DCST1: variants seen among roughly 807,000 people sequenced by gnomAD.
The protein encoded by DCST1 is E3 ubiquitin-protein ligase DCST1.
In DCST1, 78 loss-of-function variants were observed where a neutral mutation model predicts 89.1. That is an observed-to-expected ratio of 0.88 (90% CI 0.73 to 1.06). DCST1 has a LOEUF of 1.06. Ranked by LOEUF, DCST1 falls within the 50% of genes least tolerant of loss-of-function variation. The pLI is 0.00. For missense variants in DCST1, 900 were observed against 928.6 expected (o/e 0.97, Z 0.40); for synonymous variants, 364 against 371.9 (o/e 0.98, Z 0.24).
At position 155,046,131 on chromosome 1, in the gene DCST1, C is replaced by A; in HGVS notation, c.1279C>A (p.Arg427=). ...IDDRRKKLGK[R]TLLPLRKAEE... ...GTGGACATTTGTTTTCCAGGGCAAACGGACTCTGCTGCCACTCCGCAAAGC... is the reference window on the plus strand; with the variant it reads ...GTGGACATTTGTTTTCCAGGGCAAAAGGACTCTGCTGCCACTCCGCAAAGC... Residue 427 remains arginine (R), a synonymous_variant, in exon 12 of 17, where the codon CGG becomes AGG. Transcript: ENST00000295542. 1.9e-6 allele frequency: 3 copies of A among 1,614,174 alleles called. No homozygotes were observed. The South Asian group carries it at 3.3e-5, about 18-fold the overall frequency.
intron 10 of DCST1, 66 bp downstream of exon 10, chr1:155,043,575 G>A: frequency 6.7e-7 from 1 of 1,495,948 alleles, no homozygotes; most frequent in Non-Finnish European, 8.9e-7. Context: ...CCCTGAGGGA[G>A]GCTGTAAGGA....
rs1275399900 is a variant in DCST1 at position 155,040,634 on chromosome 1, C to G, written c.531+10C>G. ...GTTCAAGGACCTGCTGGTCAGGAAT[C>G]TGCACAGGCAGAGCCTGGGGGGTCC... On this transcript the variant is annotated intron_variant, in intron 6 of 16. Coordinates refer to ENST00000295542, the MANE Select transcript of DCST1 (RefSeq NM_152494.4). 1 of 1,564,930 alleles carries G rather than the reference C, an allele frequency of 6.4e-7. No individual in the cohort carries two copies. The highest frequency in any genetic ancestry group is 8.7e-7 in the Non-Finnish European group (1 of 1,153,456).
Position 155,040,531 on chromosome 1 carries a change from G to T in DCST1, c.438G>T (p.Ser146=), listed in dbSNP as rs1211673853. 2.5e-6 allele frequency: 4 copies of T among 1,594,818 alleles called. No homozygotes were observed. In the South Asian group the frequency reaches 4.6e-5, roughly 18 times the overall value. The part of the protein sequence containing the change: ...LRHNLNNVIA[S]LGCTVELQIN... ...ACAATCTCAACAACGTGATCGCATC[G>T]CTGGGCTGCACCGTGGAGCTGCAGA... The change falls in exon 6 of 17, where the codon TCG becomes TCT. Residue 146 remains serine (S), a synonymous_variant. Transcript: ENST00000295542.
chr1:155,050,521 T>G lies in DCST1; in HGVS notation c.1870-96T>G, dbSNP rs959939113. 1.8e-5 allele frequency: 26 copies of G among 1,428,714 alleles called. No homozygotes were observed. In the African/African-American group the frequency reaches 3.0e-4, roughly 17 times the overall value. 88.5% of individuals were successfully genotyped at this position (1,428,714 alleles called of 1,614,324 possible). On this transcript the variant is annotated intron_variant, in intron 16 of 16. Transcript: ENST00000295542. ...CCCAGCCTCCTCCAACACGCGGGAA[T>G]TGTCAGGCCTGGCGACTTCAGACAG...
At chr1:155,046,021 G>A (rs375580173) in intron 11 of DCST1, 29 bp downstream of exon 11, 1 of 1,613,406 alleles carries the variant, frequency 6.2e-7, no homozygotes, top group African/African-American at 1.3e-5. Flanking sequence ...GCCCGGGGAT[G>A]CCTTGCTGCT....
intron 4 of DCST1, 62 bp downstream of exon 4, chr1:155,034,789 A>G: frequency 6.4e-7 from 1 of 1,571,978 alleles, no homozygotes; most frequent in Non-Finnish European, 8.8e-7. Flanking sequence ...GCCGTCCTGC[A>G]TGCCCAGGAA....
chr1:155,050,903 C>T lies in DCST1; in HGVS notation c.*35C>T. 6.3e-7 allele frequency: 1 copy of T among 1,597,068 alleles called. No homozygotes were observed. The highest frequency in any genetic ancestry group is 8.6e-7 in the Non-Finnish European group (1 of 1,167,616). On this transcript the variant is annotated 3_prime_UTR_variant, in exon 17 of 17. Coordinates refer to ENST00000295542, the MANE Select transcript of DCST1 (RefSeq NM_152494.4). ...CTGCTCGCTCTTCCGCACCGTCCTT[C>T]CCGGTTAATAAAATGCCCTGTACGC...
At position 155,047,799 on chromosome 1, in the gene DCST1, A is replaced by G; in HGVS notation, c.1625A>G (p.Gln542Arg). Residue 542 changes from glutamine to arginine, a missense_variant, in exon 15 of 17, where the codon CAG becomes CGG. By Grantham distance (43) the Gln-to-Arg change is conservative (BLOSUM62 1). Coordinates refer to ENST00000295542, the MANE Select transcript of DCST1 (RefSeq NM_152494.4). Reference sequence around the variant, plus strand: ...GCCCCTCCCCTAGCCTGCCTGCCCCAGCCTGTGGGCCTGGATGCCAGGGCC... The same window carrying G: ...GCCCCTCCCCTAGCCTGCCTGCCCCGGCCTGTGGGCCTGGATGCCAGGGCC... ...MESNNMPCLP[Q>R]PVGLDARAYW... is the part of the protein sequence containing the mutation. The G allele has an allele frequency of 6.2e-7, 1 of 1,613,960 alleles. No homozygotes were observed.
At position 155,047,210 on chromosome 1, in the gene DCST1, G is replaced by A. The variant is rs1239902247; in HGVS notation, c.1510G>A (p.Glu504Lys). The change falls in exon 14 of 17, where the codon GAG (glutamate) becomes AAG (lysine). Residue 504 changes from glutamate (E) to lysine (K), a missense_variant. Coordinates refer to ENST00000295542, the MANE Select transcript of DCST1 (RefSeq NM_152494.4). ...CCTGGCCGCAGGCAGTCATAAACTGGAGGTGAAGGTCGGGGGAGACTCCAT... is the reference window on the plus strand; with the variant it reads ...CCTGGCCGCAGGCAGTCATAAACTGAAGGTGAAGGTCGGGGGAGACTCCAT... ...QYSFRSSHKL[E>K]VKVGGDSMLA... is the part of the protein sequence containing the mutation. The A allele has an allele frequency of 1.9e-6, 3 of 1,614,080 alleles. No individual in the cohort carries two copies. The highest frequency in any genetic ancestry group is 1.3e-5 in the African/African-American group (1 of 74,922).
rs921489818 is a variant in DCST1, at chr1:155,041,591, G to A, written c.726G>A (p.Leu242=). 10 of 1,613,860 alleles carry A rather than the reference G, an allele frequency of 6.2e-6. No individual in the cohort carries two copies. The African/African-American group carries it at 1.3e-4, about 22-fold the overall frequency. ...LHLSTQKMYE[L]KTKLRCSYVV... ...TGTCGACACAGAAGATGTATGAGCT[G>A]AAGACCAAGCTGCGTTGCTCCTGTG... The change falls in exon 7 of 17, where the codon CTG becomes CTA. Residue 242 remains leucine, a synonymous_variant. Coordinates refer to ENST00000295542, the MANE Select transcript of DCST1 (RefSeq NM_152494.4).
At chr1:155,043,083 A>C (rs1660484950) in intron 9 of DCST1, among the ~76,000 whole-genome samples, 1 of 151,778 alleles carries the variant, frequency 6.6e-6, no homozygotes, top group African/African-American at 2.4e-5. Flanking sequence ...GGTGGTGAGG[A>C]GGGGACAGTG....
At position 155,050,618 on chromosome 1, in the gene DCST1, G is replaced by A. The variant is rs1210940640; in HGVS notation, c.1871G>A (p.Arg624His). The A allele has an allele frequency of 6.3e-7, 1 of 1,577,808 alleles. No individual in the cohort carries two copies. Among genetic ancestry groups the A allele is most frequent in the African/African-American group, 1.3e-5 (1 of 74,322 alleles). Residue 624 changes from arginine to histidine, a missense_variant and splice_region_variant, in exon 17 of 17, where the codon CGC becomes CAC. Arg to His is a conservative substitution (Grantham distance 29, BLOSUM62 0). Transcript: ENST00000295542. The part of the protein sequence containing the change: ...LRRERQQKAP[R>H]HPLADILHRG... ...GCGCTAACGCCCACCTCCCAACAGCGCCACCCGCTGGCGGATATCCTGCAC... is the reference window on the plus strand; with the variant it reads ...GCGCTAACGCCCACCTCCCAACAGCACCACCCGCTGGCGGATATCCTGCAC...
intron 8 of DCST1, among the ~76,000 whole-genome samples, 173 bp from the exon 9 acceptor site, chr1:155,042,562 G>A (rs1660468192): frequency 6.6e-6 from 1 of 152,202 alleles, no homozygotes; most frequent in African/African-American, 2.4e-5. Flanking sequence ...GGTTCCTGGA[G>A]GGCAGGATCC....
chr1:155,042,512 G>A (rs894903465), intron 8 of DCST1, among the ~76,000 whole-genome samples: 2 of 152,214 alleles, frequency 1.3e-5, no homozygotes, highest in African/African-American at 4.8e-5. Flanking sequence ...TGTTTGTTAT[G>A]GTTGAGGATA....
chr1:155,041,266 C>T (rs908683192), intron 6 of DCST1, 131 bp from the exon 7 acceptor site: 5 of 900,210 alleles, frequency 5.6e-6, no homozygotes, highest in Non-Finnish European at 8.6e-6. Context: ...GGCTGTGTCT[C>T]AGGGCCTAGG....
chr1:155,034,967 G>T, intron 4 of DCST1: 1 of 559,316 alleles, frequency 1.8e-6, no homozygotes. Flanking sequence ...TCACCCACAT[G>T]ATATAGTCCA....
At chr1:155,035,158 T>C (rs546367349) in intron 4 of DCST1, 24 of 192,376 alleles carry the variant, frequency 1.2e-4, no homozygotes, top group African/African-American at 4.2e-4. Context: ...TTGGTTTTGT[T>C]TGTATGTTTT....
chr1:155,042,012 G>T (rs982809234), intron 8 of DCST1, among the ~76,000 whole-genome samples, 155 bp downstream of exon 8: 2 of 152,220 alleles, frequency 1.3e-5, no homozygotes, highest in Admixed American at 1.3e-4. Context: ...GAATAGCTCT[G>T]TGACGCAGGG....
chr1:155,040,121 T>C (rs1284250908), intron 5 of DCST1, among the ~76,000 whole-genome samples: 7 of 148,792 alleles, frequency 4.7e-5, no homozygotes, highest in Non-Finnish European at 1.0e-4. Flanking sequence ...ACCAACATGC[T>C]GAAACCCCGT....
Sources: allele counts gnomAD v4.1 joint callset (sites outside exome capture counted in the v4.1 genomes callset), GRCh38; gene constraint gnomAD v4.1.1; transcripts MANE v1.5; gene names NCBI Gene and HGNC (gene_info 2026-07-23, HGNC 2026-07-21).